Variants in CERS6 observed in about 807,000 individuals in gnomAD.
CERS6 encodes ceramide synthase 6.
Under a neutral mutation model 56.8 loss-of-function variants are expected in CERS6, and 26 were observed. The ratio of observed to expected loss-of-function variants is 0.46; its 90% CI spans 0.34 to 0.63. CERS6 has a LOEUF of 0.63. Among genes scored for constraint, CERS6 ranks in the 30% least tolerant of loss-of-function variants. CERS6 has a pLI of 0.01. For synonymous variants in CERS6, 164 were observed against 173.3 expected (o/e 0.95, Z 0.42); for missense variants, 415 against 467.5 (o/e 0.89, Z 1.04).
chr2:168,544,559 C>G (rs1031961704), intron 1 of CERS6, among the ~76,000 whole-genome samples: 1 of 152,126 alleles, frequency 6.6e-6, no homozygotes, highest in Non-Finnish European at 1.5e-5. Context: ...CCACAGCATT[C>G]TGGGGGTCAT....
intron 1 of CERS6, among the ~76,000 whole-genome samples, chr2:168,530,644 TTGAAG>T (rs1382026347): frequency 1.3e-5 from 2 of 152,350 alleles, no homozygotes; most frequent in African/African-American, 4.8e-5. Context: ...TCTTTAATAG[TTGAAG>T]TGAACTCATA....
intron 1 of CERS6, among the ~76,000 whole-genome samples, chr2:168,487,553 C>A (rs1003280320): frequency 2.6e-5 from 4 of 152,200 alleles, no homozygotes; most frequent in African/African-American, 9.7e-5. Flanking sequence ...AAGTCTCATA[C>A]AATTATAAGA....
intron 1 of CERS6, among the ~76,000 whole-genome samples, chr2:168,526,435 T>G (rs1695073408): frequency 6.6e-6 from 1 of 152,192 alleles, no homozygotes; most frequent in East Asian, 1.9e-4. Context: ...AGCTGGTTAT[T>G]AATAGCTCTT....
At chr2:168,479,472 T>C (rs1175462014) in intron 1 of CERS6, among the ~76,000 whole-genome samples, 1 of 152,242 alleles carries the variant, frequency 6.6e-6, no homozygotes, top group African/African-American at 2.4e-5. Flanking sequence ...CATTTCTTTC[T>C]ATCTTTTGGG....
intron 8 of CERS6, among the ~76,000 whole-genome samples, chr2:168,726,255 T>A (rs889425604): frequency 9.2e-5 from 14 of 152,236 alleles, no homozygotes; most frequent in African/African-American, 3.4e-4. Context: ...TTCACCGGGC[T>A]CTCTGGACTC....
At chr2:168,476,359 C>T (rs1694070487) in intron 1 of CERS6, among the ~76,000 whole-genome samples, 2 of 152,102 alleles carry the variant, frequency 1.3e-5, no homozygotes, top group African/African-American at 4.8e-5. Flanking sequence ...AAAACTCTCT[C>T]CTCAGAGACA....
intron 3 of CERS6, among the ~76,000 whole-genome samples, chr2:168,616,153 T>C (rs1206939865): frequency 6.6e-6 from 1 of 152,170 alleles, no homozygotes; most frequent in African/African-American, 2.4e-5. Context: ...TACAGTCTTT[T>C]TCGGTCAAAC....
intron 1 of CERS6, among the ~76,000 whole-genome samples, chr2:168,502,248 C>G (rs189641778): frequency 1.1e-4 from 17 of 151,736 alleles, no homozygotes; most frequent in Admixed American, 4.6e-4. Flanking sequence ...TTGGACCTTC[C>G]TATAATTTTG....
At chr2:168,735,084 G>A (rs1213703525) in intron 8 of CERS6, among the ~76,000 whole-genome samples, 1 of 152,176 alleles carries the variant, frequency 6.6e-6, no homozygotes, top group East Asian at 1.9e-4. Context: ...TTATTCTCAA[G>A]TGGACCAGTT....
At chr2:168,689,860 A>T (rs571409831) in intron 4 of CERS6, among the ~76,000 whole-genome samples, 1 of 152,202 alleles carries the variant, frequency 6.6e-6, no homozygotes, top group South Asian at 2.1e-4. Context: ...CCCTACCTTG[A>T]GATTGGGTTT....
chr2:168,712,414 C>T (rs1457113618), intron 6 of CERS6, among the ~76,000 whole-genome samples: 1 of 152,142 alleles, frequency 6.6e-6, no homozygotes, highest in Non-Finnish European at 1.5e-5. Flanking sequence ...GTTTCATTTT[C>T]ATGACTACAA....
At chr2:168,735,022 TTAAACA>T (rs1683669387) in intron 8 of CERS6, among the ~76,000 whole-genome samples, 2 of 152,056 alleles carry the variant, frequency 1.3e-5, no homozygotes, top group African/African-American at 2.4e-5. Flanking sequence ...GCCACAGGAG[TTAAACA>T]TAAAGTATCA....
chr2:168,654,038 T>G (rs1685409115), intron 4 of CERS6, among the ~76,000 whole-genome samples: 1 of 152,162 alleles, frequency 6.6e-6, no homozygotes, highest in Non-Finnish European at 1.5e-5. Flanking sequence ...TACTAAGCAC[T>G]TAAACTGATA....
chr2:168,707,180 A>G (rs977119040), intron 6 of CERS6, among the ~76,000 whole-genome samples: 1 of 152,170 alleles, frequency 6.6e-6, no homozygotes, highest in African/African-American at 2.4e-5. Context: ...ACATCTTTAA[A>G]CCAATTAATT....
At chr2:168,561,461 C>T (rs1033425478) in intron 3 of CERS6, 139 bp downstream of exon 3, 1 of 855,788 alleles carries the variant, frequency 1.2e-6, no homozygotes, top group South Asian at 2.0e-5. Flanking sequence ...AGGAAAAACA[C>T]AGGAAACAGT....
intron 3 of CERS6, among the ~76,000 whole-genome samples, chr2:168,573,253 C>T (rs2105390327): frequency 6.6e-6 from 1 of 152,234 alleles, no homozygotes; most frequent in Admixed American, 6.5e-5. Context: ...GAATCAGGCA[C>T]AATAATTTAG....
rs1319097865 is a variant in CERS6, at chr2:168,502,052, G to GAAA, written c.170+45434_170+45435insAAA. ...ACTGGGGAGTGAGAATTGGCCTGGA[G>GAAA]GGGGCTTTAGGGACTTACCTGGGTT... On this transcript the variant is annotated intron_variant, in intron 1 of 9. Transcript: ENST00000305747. 1.4e-3 allele frequency among the ~76,000 whole-genome samples: 206 copies of GAAA among 152,300 alleles called. No homozygotes were observed. In the Middle Eastern group the frequency reaches 0.014, roughly 10 times the overall value.
At chr2:168,695,794 T>C (rs1686631160) in intron 6 of CERS6, among the ~76,000 whole-genome samples, 1 of 152,180 alleles carries the variant, frequency 6.6e-6, no homozygotes, top group Non-Finnish European at 1.5e-5. Context: ...CTTCCAACCA[T>C]AACCTACATG....
chr2:168,548,134 A>G (rs1181544511), intron 2 of CERS6, among the ~76,000 whole-genome samples: 1 of 152,250 alleles, frequency 6.6e-6, no homozygotes, highest in Non-Finnish European at 1.5e-5. Flanking sequence ...TGTGATAAGT[A>G]GACAAATGTA....
Sources: gnomAD v4.1 joint callset for allele counts (sites outside exome capture counted in the v4.1 genomes callset) on GRCh38, gnomAD v4.1.1 for gene constraint, MANE v1.5 for transcripts, NCBI Gene and HGNC (gene_info 2026-07-23, HGNC 2026-07-21) for gene names.